Variants in CELF6 observed in about 807,000 individuals in gnomAD.
CELF6 encodes the protein CUGBP Elav-like family member 6.
In CELF6, 32 loss-of-function variants were observed where a neutral mutation model predicts 53.1. That is an observed-to-expected ratio of 0.60 (90% CI 0.46 to 0.81). CELF6 has a LOEUF of 0.81. Ranked by LOEUF, CELF6 falls within the 30% of genes least tolerant of loss-of-function variation. CELF6 has a pLI of 0.00. For synonymous variants in CELF6, 291 were observed against 288.8 expected (o/e 1.01, Z -0.08); for missense variants, 539 against 669.5 (o/e 0.81, Z 2.15).
chr15:72,291,470 G>A (rs1474615414), intron 3 of CELF6, among the ~76,000 whole-genome samples: 1 of 152,204 alleles, frequency 6.6e-6, no homozygotes, highest in African/African-American at 2.4e-5. Context: ...ACCTTGGAGT[G>A]CAGGAAAACC....
chr15:72,315,738 C>G, intron 2 of CELF6, 107 bp downstream of exon 2: 1 of 650,770 alleles, frequency 1.5e-6, no homozygotes, highest in Non-Finnish European at 2.6e-6. Context: ...GATGACTCTG[C>G]TTCTAGTTCT....
At position 72,319,806 on chromosome 15, in the gene CELF6, C is replaced by A. The variant is rs1443409370; in HGVS notation, c.69G>T (p.Ala23=). 2 of 1,556,256 alleles carry A rather than the reference C, an allele frequency of 1.3e-6. No individual in the cohort carries two copies. The highest frequency in any genetic ancestry group is 2.4e-5 in the East Asian group (1 of 41,338). The change falls in exon 1 of 13, where the codon GCG becomes GCT. Residue 23 remains alanine, a synonymous_variant. Coordinates refer to ENST00000287202, the MANE Select transcript of CELF6 (RefSeq NM_052840.5). This position sits in a 1 kb window ranked among gnomAD's most constrained non-coding sequence, Gnocchi z 5.0. ...GPGPRLGFST[A]DSGVGMSGLN... is the part of the protein sequence containing the mutation. The stretch of plus-strand genomic sequence containing the variant: ...GCCCGCTCATGCCGACGCCGCTGTC[C>A]GCGGTGCTGAAACCCAGGCGCGGGC...
At chr15:72,290,441 G>C (rs114058432) in intron 3 of CELF6, among the ~76,000 whole-genome samples, 186 bp from the exon 4 acceptor site, 1 of 152,164 alleles carries the variant, frequency 6.6e-6, no homozygotes, top group Non-Finnish European at 1.5e-5. Flanking sequence ...CTGGAGAAGG[G>C]AGCTCAGCTC....
intron 2 of CELF6, 71 bp downstream of exon 2, chr15:72,315,774 T>G: frequency 9.5e-7 from 1 of 1,054,320 alleles, no homozygotes; most frequent in Non-Finnish European, 1.4e-6. Flanking sequence ...CCCCACATGC[T>G]GCTTTGGCAT....
chr15:72,308,416 G>A (rs978942497), intron 2 of CELF6, among the ~76,000 whole-genome samples: 24 of 151,836 alleles, frequency 1.6e-4, no homozygotes, highest in African/African-American at 4.8e-4. Context: ...TAGTAAAGAC[G>A]GGGTTTCTCC....
In CELF6 at chr15:72,289,161, T is replaced by C. The variant is rs749663605; in HGVS notation, c.1007A>G (p.Asn336Ser). ...NGQPGSDTLY[N>S]NGLSPYPAQS... ...ACCTGGATAAGGGGAGAGCCCGTTATTGTAGAGCGTGTCGGAGCCCGGCTG... is the reference window on the plus strand; with the variant it reads ...ACCTGGATAAGGGGAGAGCCCGTTACTGTAGAGCGTGTCGGAGCCCGGCTG... The change falls in exon 8 of 13, where the codon AAT (asparagine) becomes AGT (serine). Residue 336 changes from asparagine to serine, a missense_variant. Coordinates refer to ENST00000287202, the MANE Select transcript of CELF6 (RefSeq NM_052840.5). The surrounding 1 kb of genome is among the most constrained non-coding windows in gnomAD (Gnocchi z 7.6). The C allele has an allele frequency of 6.4e-7, 1 of 1,553,750 alleles. No homozygotes were observed. The highest frequency in any genetic ancestry group is 8.6e-7 in the Non-Finnish European group (1 of 1,159,896).
At position 72,288,208 on chromosome 15, in the gene CELF6, C is replaced by A; in HGVS notation, c.1318+100G>T. On this transcript the variant is annotated intron_variant, in intron 11 of 12. Coordinates refer to ENST00000287202, the MANE Select transcript of CELF6 (RefSeq NM_052840.5). The surrounding 1 kb of genome is among the most constrained non-coding windows in gnomAD (Gnocchi z 4.6). ...CCCTGTTTTGTGCCATACATTCAAT[C>A]TCAGGAAATCACTGCATTATGGAAG... 7.7e-7 allele frequency: 1 copy of A among 1,297,500 alleles called. No homozygotes were observed. The highest frequency in any genetic ancestry group is 1.2e-5 in the South Asian group (1 of 81,548). 80.4% of individuals were successfully genotyped at this position (1,297,500 alleles called of 1,614,324 possible).
chr15:72,310,060 C>A lies in CELF6; in HGVS notation c.346-5266G>T, dbSNP rs1370077670. Among the ~76,000 whole-genome samples, 6 of 152,216 alleles carry A rather than the reference C, an allele frequency of 3.9e-5. No individual in the cohort carries two copies. In the East Asian group the frequency reaches 9.6e-4, roughly 24 times the overall value. The stretch of plus-strand genomic sequence containing the variant: ...AGGGAGAGCAAAACCCTACCTAACT[C>A]TCTGCCCTGATTTGTCTAAAATTCC... On this transcript the variant is annotated intron_variant, in intron 2 of 12. Transcript: ENST00000287202.
At chr15:72,297,459 A>G (rs1227883405) in intron 3 of CELF6, among the ~76,000 whole-genome samples, 2 of 152,246 alleles carry the variant, frequency 1.3e-5, no homozygotes, top group Non-Finnish European at 2.9e-5. Flanking sequence ...CCATATTCAT[A>G]ACAACATTAG....
At chr15:72,290,494 A>C (rs1210103298) in intron 3 of CELF6, among the ~76,000 whole-genome samples, 1 of 152,138 alleles carries the variant, frequency 6.6e-6, no homozygotes, top group Non-Finnish European at 1.5e-5. Context: ...AAACCCAGAG[A>C]GGCTCAGGGC....
intron 2 of CELF6, chr15:72,313,675 G>A: frequency 1.3e-6 from 1 of 754,632 alleles, no homozygotes; most frequent in East Asian, 1.3e-4. Flanking sequence ...TGTTCCTTCT[G>A]TGTCTGCACC....
At chr15:72,316,084 G>A (rs1385899068) in intron 1 of CELF6, among the ~76,000 whole-genome samples, 157 bp from the exon 2 acceptor site, 1 of 152,082 alleles carries the variant, frequency 6.6e-6, no homozygotes, top group East Asian at 1.9e-4. Flanking sequence ...TGGAGGGAGG[G>A]GCTTCATGTG....
chr15:72,313,811 T>C (rs1175673045), intron 2 of CELF6: 2 of 852,506 alleles, frequency 2.3e-6, no homozygotes, highest in Admixed American at 1.2e-4. Context: ...CTACTAATGC[T>C]GCTGTTACTA....
At chr15:72,296,620 T>A (rs1199771024) in intron 3 of CELF6, among the ~76,000 whole-genome samples, 1 of 152,156 alleles carries the variant, frequency 6.6e-6, no homozygotes, top group South Asian at 2.1e-4. Flanking sequence ...ACCTTCTATT[T>A]AATAATGGGC....
At chr15:72,312,150 G>T (rs1428869459) in intron 2 of CELF6, among the ~76,000 whole-genome samples, 1 of 152,198 alleles carries the variant, frequency 6.6e-6, no homozygotes, top group Non-Finnish European at 1.5e-5. Context: ...ATAAAGTGAG[G>T]CTAAAAGAAG....
At chr15:72,306,484 C>A (rs566049747) in intron 2 of CELF6, among the ~76,000 whole-genome samples, 1 of 151,080 alleles carries the variant, frequency 6.6e-6, no homozygotes, top group Admixed American at 6.6e-5. Flanking sequence ...CATGGTAACG[C>A]CCTGGCAGTC....
At chr15:72,293,636 G>A (rs1025736121) in intron 3 of CELF6, among the ~76,000 whole-genome samples, 1 of 151,918 alleles carries the variant, frequency 6.6e-6, no homozygotes, top group South Asian at 2.1e-4. Context: ...ATGGTTGAAT[G>A]GTATAACTGC....
chr15:72,317,049 T>C (rs980418007), intron 1 of CELF6, among the ~76,000 whole-genome samples: 1 of 152,134 alleles, frequency 6.6e-6, no homozygotes, highest in African/African-American at 2.4e-5. Flanking sequence ...GAATCAAGAA[T>C]TTGGTGTGTT....
intron 3 of CELF6, among the ~76,000 whole-genome samples, chr15:72,291,380 G>A (rs543933000): frequency 1.3e-5 from 2 of 152,326 alleles, no homozygotes; most frequent in African/African-American, 4.8e-5. Flanking sequence ...AATTTGGGAT[G>A]GGGCTTGACC....
Sources: allele counts gnomAD v4.1 joint callset (sites outside exome capture counted in the v4.1 genomes callset), GRCh38; gene constraint gnomAD v4.1.1; non-coding constraint Gnocchi (gnomAD v3.1); transcripts MANE v1.5; gene names NCBI Gene and HGNC (gene_info 2026-07-23, HGNC 2026-07-21).